The following ERCC6L2 variants were observed in gnomAD, a reference collection of about 807,000 sequenced individuals.
The protein encoded by ERCC6L2 is ERCC excision repair 6 like 2, also known as DNA excision repair protein ERCC-6-like 2.
ERCC6L2 carries 77 observed loss-of-function variants against 132.0 expected under a neutral mutation model. The observed-to-expected ratio is 0.58, with a 90% confidence interval of 0.49 to 0.71. The LOEUF (loss-of-function observed/expected upper bound fraction) is 0.71, where lower values mean the gene tolerates loss of function less well. Among genes scored for constraint, ERCC6L2 ranks in the 30% least tolerant of loss-of-function variants. The pLI is 0.00. For missense variants in ERCC6L2, 1,542 were observed against 1,837.6 expected (o/e 0.84, Z 2.94); for synonymous variants, 583 against 632.4 (o/e 0.92, Z 1.17).
chr9:95,985,765 ACACT>A (rs1564286888), intron 17 of ERCC6L2, among the ~76,000 whole-genome samples: 1 of 152,142 alleles, frequency 6.6e-6, no homozygotes, highest in Non-Finnish European at 1.5e-5. Flanking sequence ...TCATTCCAAG[ACACT>A]CACCTAATCA....
intron 17 of ERCC6L2, among the ~76,000 whole-genome samples, chr9:96,003,147 A>G (rs1833746857): frequency 6.6e-6 from 1 of 152,194 alleles, no homozygotes; most frequent in African/African-American, 2.4e-5. Flanking sequence ...GCTTTATTAT[A>G]GGTAATTCCT....
At chr9:95,987,972 G>C (rs892444935) in intron 17 of ERCC6L2, among the ~76,000 whole-genome samples, 7 of 152,214 alleles carry the variant, frequency 4.6e-5, no homozygotes, top group Non-Finnish European at 1.5e-5. Flanking sequence ...GCCAAGGCTT[G>C]GGGCTTGCCC....
In ERCC6L2 at chr9:96,006,494, C is replaced by T. The variant is rs150113077; in HGVS notation, c.3674+1793C>T. The stretch of plus-strand genomic sequence containing the variant: ...GCTATGAGTTCGGATGGAAGCAGTG[C>T]GCGCGCCCTGGCGGGAGGTGGCTGG... On this transcript the variant is annotated intron_variant, in intron 18 of 18. Coordinates refer to ENST00000653738, the MANE Select transcript of ERCC6L2 (RefSeq NM_020207.7). Among the ~76,000 whole-genome samples, 224 of 152,246 alleles carry T rather than the reference C, an allele frequency of 1.5e-3. 1 individual carries two copies. The highest frequency in any genetic ancestry group is 5.1e-3 in the African/African-American group (214 of 41,556).
At chr9:96,022,916 C>T (rs1261212918), downstream of ERCC6L2, among the ~76,000 whole-genome samples, 1 of 152,314 alleles carries the variant, frequency 6.6e-6, no homozygotes, top group East Asian at 1.9e-4. Context: ...CTCCCTCCCC[C>T]ACAGACACAG....
intron 12 of ERCC6L2, among the ~76,000 whole-genome samples, chr9:95,950,188 A>G (rs1323482341): frequency 6.6e-6 from 1 of 152,162 alleles, no homozygotes; most frequent in Non-Finnish European, 1.5e-5. Flanking sequence ...TTTATTTTCT[A>G]CAGGATTTAA....
At chr9:95,883,866 A>G (rs1236236326) in intron 2 of ERCC6L2, among the ~76,000 whole-genome samples, 5 of 152,206 alleles carry the variant, frequency 3.3e-5, no homozygotes, top group Non-Finnish European at 5.9e-5. Context: ...CACATACAAA[A>G]AAAGAAGAAA....
At position 95,921,202 on chromosome 9, in the gene ERCC6L2, C is replaced by T; in HGVS notation, c.1186C>T (p.Gln396Ter). 1 of 1,612,006 alleles carries T rather than the reference C, an allele frequency of 6.2e-7. No individual in the cohort carries two copies. Residue 396 changes from glutamine (Q) to a stop codon, truncating the protein, a stop_gained, in exon 7 of 19, where the codon CAG (glutamine) becomes TAG (stop). Coordinates refer to ENST00000653738, the MANE Select transcript of ERCC6L2 (RefSeq NM_020207.7). LOFTEE classifies it high-confidence loss of function. ...RMVYCSLTDF[Q>*]KAVYQTVLET... ...GGTGTATTGTTCTTTGACAGATTTC[C>T]AGAAAGCTGTCTATCAAACAGTGTT...
chr9:95,928,307 C>A, intron 10 of ERCC6L2, 157 bp downstream of exon 10: 2 of 486,022 alleles, frequency 4.1e-6, no homozygotes, highest in South Asian at 9.6e-5. Flanking sequence ...TAAACAGACA[C>A]TAAAATTTCA....
At chr9:95,975,471 C>CTTTTTTTTT (rs572855007) in intron 16 of ERCC6L2, among the ~76,000 whole-genome samples, 2 of 111,280 alleles carry the variant, frequency 1.8e-5, no homozygotes, top group Non-Finnish European at 1.9e-5. Flanking sequence ...ATTATATGTT[C>CTTTTTTTTT]TTTTTTTTTT....
At chr9:95,949,988 C>A (rs1831254268) in intron 12 of ERCC6L2, among the ~76,000 whole-genome samples, 2 of 149,440 alleles carry the variant, frequency 1.3e-5, no homozygotes, top group Non-Finnish European at 3.0e-5. Flanking sequence ...ACACTCCAGC[C>A]TGGGAGACAG....
chr9:95,881,044 T>G lies in ERCC6L2; in HGVS notation c.222T>G (p.Phe74Leu). 1.2e-6 allele frequency: 2 copies of G among 1,613,976 alleles called. No homozygotes were observed. Among genetic ancestry groups the G allele is most frequent in the Non-Finnish European group, 1.7e-6 (2 of 1,179,866 alleles). Residue 74 changes from phenylalanine (F) to leucine (L), a missense_variant, in exon 2 of 19, where the codon TTT becomes TTG. By Grantham distance (22) the Phe-to-Leu change is conservative. This residue lies in a region of ERCC6L2 where 153 missense variants were observed against 132.3 expected (regional missense o/e 1.16). Coordinates refer to ENST00000653738, the MANE Select transcript of ERCC6L2 (RefSeq NM_020207.7). Reference sequence around the variant, plus strand: ...TTAAACAGCTTCAAGAAGTGAAATTTGTTAAAGATTGCCCTAGGAATCTTA... The same window carrying G: ...TTAAACAGCTTCAAGAAGTGAAATTGGTTAAAGATTGCCCTAGGAATCTTA... ...IPLKQLQEVK[F>L]VKDCPRNLIF...
chr9:95,892,656 C>T lies in ERCC6L2; in HGVS notation c.472-5193C>T, dbSNP rs746286286. On this transcript the variant is annotated intron_variant, in intron 2 of 18. Coordinates refer to ENST00000653738, the MANE Select transcript of ERCC6L2 (RefSeq NM_020207.7). ...CAGGCTGGTCTCGGACTCCTGACCT[C>T]AAGTGATCCACCCACCTAAACCTCC... 3.9e-5 allele frequency among the ~76,000 whole-genome samples: 6 copies of T among 152,186 alleles called. No individual in the cohort carries two copies. The East Asian group carries it at 1.2e-3, about 29-fold the overall frequency.
intron 1 of ERCC6L2, among the ~76,000 whole-genome samples, chr9:95,877,410 C>T (rs994670615): frequency 6.6e-6 from 1 of 151,570 alleles, no homozygotes; most frequent in African/African-American, 2.4e-5. Flanking sequence ...TTTTAAATTA[C>T]ATTTCTCAAT....
intron 17 of ERCC6L2, among the ~76,000 whole-genome samples, chr9:95,992,269 C>CT (rs1185414530): frequency 1.3e-5 from 2 of 152,068 alleles, no homozygotes; most frequent in African/African-American, 4.8e-5. Flanking sequence ...GTGATAAAGA[C>CT]TTTAAATTTT....
At chr9:95,961,895 G>T (rs192839431) in intron 13 of ERCC6L2, among the ~76,000 whole-genome samples, 29 of 152,188 alleles carry the variant, frequency 1.9e-4, no homozygotes, top group Non-Finnish European at 4.1e-4. Context: ...AACGAAAGGG[G>T]TTTCCCCTTA....
chr9:95,977,343 G>A (rs1832715182), intron 16 of ERCC6L2, among the ~76,000 whole-genome samples: 1 of 152,180 alleles, frequency 6.6e-6, no homozygotes, highest in South Asian at 2.1e-4. Flanking sequence ...GACTAAAACA[G>A]CACAATTGTT....
rs774893762 is a variant in ERCC6L2 at position 96,014,754 on chromosome 9, C to T, written c.*1551C>T. ...TTCGTCATTTGTTTGCTCTGTGCAG[C>T]TGAGTTGTGTCCAGACTTACCAGAT... is the stretch of plus-strand genomic sequence containing the variant. On this transcript the variant is annotated 3_prime_UTR_variant, in exon 19 of 19. Transcript: ENST00000653738. Among the ~76,000 whole-genome samples, 1 of 152,116 alleles carries T rather than the reference C, an allele frequency of 6.6e-6. No individual in the cohort carries two copies. The highest frequency in any genetic ancestry group is 1.5e-5 in the Non-Finnish European group (1 of 68,026).
At position 95,913,448 on chromosome 9, in the gene ERCC6L2, C is replaced by T. The variant is rs560808311; in HGVS notation, c.789-2220C>T. Among the ~76,000 whole-genome samples the T allele has an allele frequency of 5.0e-5, 4 of 79,640 alleles. No individual in the cohort carries two copies. The South Asian group carries it at 1.6e-3, about 31-fold the overall frequency. 52.2% of individuals were successfully genotyped at this position (79,640 alleles called of 152,430 possible). ...TTCTTACACCCTTCGCTTGCTTGCCCGCTTGCTTGCCCGCTTGCTTGCTTT... is the reference window on the plus strand; with the variant it reads ...TTCTTACACCCTTCGCTTGCTTGCCTGCTTGCTTGCCCGCTTGCTTGCTTT... On this transcript the variant is annotated intron_variant, in intron 4 of 18. Transcript: ENST00000653738.
At chr9:95,904,153 T>G (rs945911581) in intron 3 of ERCC6L2, among the ~76,000 whole-genome samples, 1 of 152,014 alleles carries the variant, frequency 6.6e-6, no homozygotes, top group African/African-American at 2.4e-5. Context: ...ATACAAGGCT[T>G]TTTTTAGACC....
Sources: allele counts gnomAD v4.1 joint callset (sites outside exome capture counted in the v4.1 genomes callset), GRCh38; gene constraint gnomAD v4.1.1; regional missense constraint gnomAD v4.1.1; transcripts MANE v1.5; gene names NCBI Gene and HGNC (gene_info 2026-07-23, HGNC 2026-07-21).